The following PICK1 variants were observed in gnomAD, a reference collection of about 807,000 sequenced individuals.
PICK1 encodes the protein PRKCA-binding protein.
PICK1 carries 23 observed loss-of-function variants against 48.9 expected under a neutral mutation model. The observed-to-expected ratio is 0.47, with a 90% CI of 0.34 to 0.67. The LOEUF (loss-of-function observed/expected upper bound fraction) is 0.67. Among genes scored for constraint, PICK1 ranks in the 30% least tolerant of loss-of-function variants. PICK1 has a pLI of 0.01. For synonymous variants in PICK1, 217 were observed against 228.2 expected (o/e 0.95, Z 0.44); for missense variants, 423 against 557.1 (o/e 0.76, Z 2.42).
Position 38,074,851 on chromosome 22 carries a change from C to T in PICK1, c.980-13C>T. ...GAGCCCACTGCAGCCTGTCCCCCGA[C>T]CTCCCACCCCAGTCCAGGACATCGT... On this transcript the variant is annotated splice_polypyrimidine_tract_variant and intron_variant, in intron 12 of 12. Transcript: ENST00000356976. The surrounding 1 kb of genome is among the most constrained non-coding windows in gnomAD (Gnocchi z 4.5). 1 of 1,609,876 alleles carries T rather than the reference C, an allele frequency of 6.2e-7. No individual in the cohort carries two copies.
chr22:38,068,348 A>G (rs568856763), intron 5 of PICK1, among the ~76,000 whole-genome samples: 1 of 152,232 alleles, frequency 6.6e-6, no homozygotes, highest in East Asian at 1.9e-4. Context: ...AGTCCTCTGG[A>G]CCGGCCGCTT....
chr22:38,061,336 G>A (rs1002079796), intron 3 of PICK1, among the ~76,000 whole-genome samples: 14 of 130,506 alleles, frequency 1.1e-4, no homozygotes, highest in African/African-American at 2.1e-4. Context: ...GTGAGACTCC[G>A]TCTCAAAAAT....
At position 38,075,285 on chromosome 22, in the gene PICK1, G is replaced by A; in HGVS notation, c.*153G>A. 1 of 735,814 alleles carries A rather than the reference G, an allele frequency of 1.4e-6. No homozygotes were observed. The allele number at this position is 735,814 out of a possible 1,614,324, so 45.6% of individuals were successfully genotyped here. On this transcript the variant is annotated 3_prime_UTR_variant, in exon 13 of 13. Transcript: ENST00000356976. ...CTCTGTCCTCGCACAGCGAACCTGGGCTCCTGCCCAGGACAGGCACCAGGG... is the reference window on the plus strand; with the variant it reads ...CTCTGTCCTCGCACAGCGAACCTGGACTCCTGCCCAGGACAGGCACCAGGG...
At chr22:38,068,147 TC>T in intron 5 of PICK1, 1 of 472,872 alleles carries the variant, frequency 2.1e-6, no homozygotes, top group Non-Finnish European at 4.3e-6. Context: ...GCCTGGCGCC[TC>T]ATGCCCTCTA....
In PICK1 at chr22:38,073,913, G is replaced by C. The variant is rs1466354989; in HGVS notation, c.834+90G>C. Reference sequence around the variant, plus strand: ...GGCTCAGGCCAACCCGGGAGAGACCGGGGGGACTTGGCTGGACTCTCGTTC... The same window carrying C: ...GGCTCAGGCCAACCCGGGAGAGACCCGGGGGACTTGGCTGGACTCTCGTTC... On this transcript the variant is annotated intron_variant, in intron 11 of 12. Coordinates refer to ENST00000356976, the MANE Select transcript of PICK1 (RefSeq NM_012407.4). This position sits in a 1 kb window ranked among gnomAD's most constrained non-coding sequence, Gnocchi z 5.7. 1.0e-5 allele frequency: 13 copies of C among 1,270,550 alleles called. No individual in the cohort carries two copies. Among genetic ancestry groups the C allele is most frequent in the Middle Eastern group, 1.9e-4 (1 of 5,404 alleles). The allele number at this position is 1,270,550 out of a possible 1,614,324, so 78.7% of individuals were successfully genotyped here.
In PICK1 at chr22:38,074,294, A is replaced by ACCCCCCC; in HGVS notation, c.835-8_835-7insCCCCCCC. 5 of 1,574,532 alleles carry ACCCCCCC rather than the reference A, an allele frequency of 3.2e-6. No homozygotes were observed. The Admixed American group carries it at 5.0e-5, about 16-fold the overall frequency. ...GTCCCTGAGCAGGCACTCCTGTCCC[A>ACCCCCCC]CCCCCGCCCCAGGCCCTAGGCGAGC... On this transcript the variant is annotated splice_polypyrimidine_tract_variant and intron_variant, in intron 11 of 12. Transcript: ENST00000356976. The surrounding 1 kb of genome is among the most constrained non-coding windows in gnomAD (Gnocchi z 4.5).
chr22:38,059,141 C>A, intron 2 of PICK1, 93 bp from the exon 3 acceptor site: 1 of 845,594 alleles, frequency 1.2e-6, no homozygotes, highest in Non-Finnish European at 2.0e-6. Flanking sequence ...AAAAGCTGGG[C>A]AGCCAGTGGA....
intron 4 of PICK1, among the ~76,000 whole-genome samples, chr22:38,065,727 C>T (rs904908760): frequency 1.7e-4 from 26 of 152,238 alleles, no homozygotes; most frequent in Non-Finnish European, 2.5e-4. Context: ...GAATGGCAGG[C>T]GGCATCCCGG....
chr22:38,065,624 A>AC (rs2085506200), intron 4 of PICK1, among the ~76,000 whole-genome samples: 2 of 151,344 alleles, frequency 1.3e-5, no homozygotes, highest in African/African-American at 4.9e-5. Context: ...ACACCCAGAG[A>AC]CCCCCCTCCC....
At position 38,074,112 on chromosome 22, in the gene PICK1, G is replaced by C. The variant is rs2085769876; in HGVS notation, c.835-195G>C. ...TTTCTGCTGTCGGGATCCATTTCGT[G>C]GCCAGTGTTCATTGAATGTGGCAGA... is the stretch of plus-strand genomic sequence containing the variant. On this transcript the variant is annotated intron_variant, in intron 11 of 12. Coordinates refer to ENST00000356976, the MANE Select transcript of PICK1 (RefSeq NM_012407.4). The surrounding 1 kb of genome is among the most constrained non-coding windows in gnomAD (Gnocchi z 4.5). 1.5e-6 allele frequency: 1 copy of C among 661,330 alleles called. No homozygotes were observed. Among genetic ancestry groups the C allele is most frequent in the African/African-American group, 1.8e-5 (1 of 55,180 alleles). The allele number at this position is 661,330 out of a possible 1,614,324, so 41.0% of individuals were successfully genotyped here.
chr22:38,074,719 C>T lies in PICK1; in HGVS notation c.980-145C>T, dbSNP rs1301307609. ...GGCTGGGCGGCCCCTGCCTCCGCCCCTTGCCAGGTCATGAGGGGTCAGGGA... is the reference window on the plus strand; with the variant it reads ...GGCTGGGCGGCCCCTGCCTCCGCCCTTTGCCAGGTCATGAGGGGTCAGGGA... On this transcript the variant is annotated intron_variant, in intron 12 of 12. Coordinates refer to ENST00000356976, the MANE Select transcript of PICK1 (RefSeq NM_012407.4). The surrounding 1 kb of genome is among the most constrained non-coding windows in gnomAD (Gnocchi z 4.5). 2.6e-6 allele frequency: 3 copies of T among 1,165,306 alleles called. No individual in the cohort carries two copies. Among genetic ancestry groups the T allele is most frequent in the Non-Finnish European group, 3.6e-6 (3 of 822,760 alleles). 72.2% of individuals were successfully genotyped at this position (1,165,306 alleles called of 1,614,324 possible).
intron 5 of PICK1, 29 bp downstream of exon 5, chr22:38,067,799 C>A: frequency 1.3e-6 from 2 of 1,590,676 alleles, no homozygotes; most frequent in Non-Finnish European, 1.7e-6. Context: ...TTACGGGTGT[C>A]CAGCAGCCTC....
intron 8 of PICK1, 143 bp downstream of exon 8, chr22:38,071,887 A>G (rs2085705494): frequency 4.0e-6 from 3 of 748,038 alleles, no homozygotes; most frequent in African/African-American, 3.5e-5. Flanking sequence ...GGGATTTGCG[A>G]TGGGCCTGCG....
At chr22:38,059,956 G>A (rs960160519) in intron 3 of PICK1, among the ~76,000 whole-genome samples, 1 of 152,222 alleles carries the variant, frequency 6.6e-6, no homozygotes, top group African/African-American at 2.4e-5. Context: ...GCTCACACCT[G>A]TAATCCCAGC....
rs960384112 is a variant in PICK1 at position 38,066,387 on chromosome 22, C to T, written c.282+1257C>T. ...TCCACTCGCCAGGTCCCTCCCTGTC[C>T]TCTCAGGCTTGGTCATACCAGCACC... On this transcript the variant is annotated intron_variant, in intron 4 of 12. Transcript: ENST00000356976. The surrounding 1 kb of genome is among the most constrained non-coding windows in gnomAD (Gnocchi z 4.1). Among the ~76,000 whole-genome samples the T allele has an allele frequency of 6.6e-6, 1 of 152,220 alleles. No individual in the cohort carries two copies. Among genetic ancestry groups the T allele is most frequent in the African/African-American group, 2.4e-5 (1 of 41,450 alleles).
intron 3 of PICK1, 146 bp from the exon 4 acceptor site, chr22:38,064,856 C>A: frequency 1.1e-6 from 1 of 906,704 alleles, no homozygotes; most frequent in Non-Finnish European, 1.8e-6. Flanking sequence ...CGCCACTGCA[C>A]TCCAGCCCGG....
At chr22:38,071,165 G>A (rs2085676510) in intron 7 of PICK1, among the ~76,000 whole-genome samples, 1 of 152,108 alleles carries the variant, frequency 6.6e-6, no homozygotes, top group African/African-American at 2.4e-5. Context: ...CGGCCAACAT[G>A]GTGAAACGCC....
chr22:38,067,008 G>C (rs1386810194), intron 4 of PICK1, among the ~76,000 whole-genome samples: 1 of 152,238 alleles, frequency 6.6e-6, no homozygotes, highest in African/African-American at 2.4e-5. Flanking sequence ...TGTTCGATGA[G>C]TAGAGGGATT....
In PICK1 at chr22:38,059,355, G is replaced by A. The variant is rs535102227; in HGVS notation, c.153+10G>A. ...CCTCTATATCGTCCAGGTATTGGGC[G>A]CTTTGGAGGGGGGCACAAGGTACAT... is the stretch of plus-strand genomic sequence containing the variant. On this transcript the variant is annotated intron_variant, in intron 3 of 12. Coordinates refer to ENST00000356976, the MANE Select transcript of PICK1 (RefSeq NM_012407.4). The A allele has an allele frequency of 2.0e-5, 31 of 1,517,872 alleles. No individual in the cohort carries two copies. Among genetic ancestry groups the A allele is most frequent in the Middle Eastern group, 1.7e-4 (1 of 5,928 alleles). 94.0% of individuals were successfully genotyped at this position (1,517,872 alleles called of 1,614,324 possible).
Sources: gnomAD v4.1 joint callset for allele counts (sites outside exome capture counted in the v4.1 genomes callset) on GRCh38, gnomAD v4.1.1 for gene constraint, Gnocchi (gnomAD v3.1) non-coding constraint, MANE v1.5 for transcripts, NCBI Gene and HGNC (gene_info 2026-07-23, HGNC 2026-07-21) for gene names.